Variants in SCRN1 observed in about 807,000 individuals in gnomAD.
The protein encoded by SCRN1 is secernin-1.
SCRN1 carries 19 observed loss-of-function variants against 43.3 expected under a neutral mutation model. That is an observed-to-expected ratio of 0.44 (90% confidence interval 0.31 to 0.64). The LOEUF (loss-of-function observed/expected upper bound fraction) is 0.64. SCRN1 is among the 30% of genes least tolerant of loss of function. The probability of loss-of-function intolerance (pLI) is 0.09; values close to 1 mark genes in which losing one functional copy is unlikely to be tolerated. For missense variants in SCRN1, 447 were observed against 524.1 expected, an observed-to-expected ratio of 0.85 and a Z score of 1.44; for synonymous variants, 183 against 188.9, an observed-to-expected ratio of 0.97 and a Z score of 0.26.
chr7:29,977,702 C>T (rs1261554291), intron 1 of SCRN1, among the ~76,000 whole-genome samples: 1 of 152,180 alleles, frequency 6.6e-6, no homozygotes, highest in Non-Finnish European at 1.5e-5. Flanking sequence ...GGAAGAATAA[C>T]TGTATGGGCT....
At chr7:29,962,614 G>A (rs1788363225) in intron 2 of SCRN1, among the ~76,000 whole-genome samples, 1 of 152,116 alleles carries the variant, frequency 6.6e-6, no homozygotes, top group South Asian at 2.1e-4. Context: ...CTTGAACCCA[G>A]GAGGCAGAGG....
chr7:29,958,170 G>C (rs758046882), intron 2 of SCRN1, among the ~76,000 whole-genome samples: 3 of 152,112 alleles, frequency 2.0e-5, no homozygotes, highest in Non-Finnish European at 2.9e-5. Context: ...TCTTTGTCAC[G>C]GGCCACAGAG....
chr7:29,959,499 G>C (rs749179028), intron 2 of SCRN1, among the ~76,000 whole-genome samples: 7 of 151,976 alleles, frequency 4.6e-5, no homozygotes, highest in Non-Finnish European at 1.0e-4. Flanking sequence ...CCAATACCTG[G>C]GCTCAAGCGA....
In SCRN1 at chr7:29,950,426, C is replaced by G. The variant is rs1787882074; in HGVS notation, c.341+4753G>C. ...CCCCCAAGATGAAAAACCTGGACAT[C>G]ATGGATGGCACGTTGATGGCAGGAG... On this transcript the variant is annotated intron_variant, in intron 3 of 7. Transcript: ENST00000242059. This position sits in a 1 kb window ranked among gnomAD's most constrained non-coding sequence, Gnocchi z 4.5. Among the ~76,000 whole-genome samples, 1 of 152,202 alleles carries G rather than the reference C, an allele frequency of 6.6e-6. No individual in the cohort carries two copies.
chr7:29,941,758 C>T (rs528446289), intron 4 of SCRN1, among the ~76,000 whole-genome samples: 1 of 152,326 alleles, frequency 6.6e-6, no homozygotes, highest in Admixed American at 6.5e-5. Flanking sequence ...ATGTCTTCTT[C>T]GAAGCCTGAG....
At chr7:29,929,465 C>A (rs1261491031) in intron 6 of SCRN1, among the ~76,000 whole-genome samples, 1 of 152,258 alleles carries the variant, frequency 6.6e-6, no homozygotes, top group Non-Finnish European at 1.5e-5. Flanking sequence ...ATCAGGAAAC[C>A]TGCCATTTCA....
chr7:29,977,968 G>A (rs1239258640), intron 1 of SCRN1, among the ~76,000 whole-genome samples: 1 of 152,216 alleles, frequency 6.6e-6, no homozygotes, highest in Non-Finnish European at 1.5e-5. Context: ...AAGCCTATCT[G>A]TTCAGACTTC....
chr7:29,977,770 T>A (rs929234615), intron 1 of SCRN1, among the ~76,000 whole-genome samples: 8 of 152,230 alleles, frequency 5.3e-5, no homozygotes, highest in African/African-American at 1.7e-4. Flanking sequence ...GCCCTGTCAC[T>A]TCTCCAAGCT....
Position 29,926,613 on chromosome 7 carries a change from T to C in SCRN1, c.925A>G (p.Ile309Val), listed in dbSNP as rs151249549. The C allele has an allele frequency of 1.6e-3, 2,628 of 1,613,958 alleles. 8 individuals carry two copies. Among genetic ancestry groups the C allele is most frequent in the Non-Finnish European group, 2.0e-3 (2,335 of 1,179,968 alleles). Reference protein sequence around the residue: ...DPSRSIFKPFIFVDDVKLVPK... With the variant: ...DPSRSIFKPFVFVDDVKLVPK... ...ACAAGTTTTACGTCATCAACAAAGA[T>C]GAAAGGCTTGAATATGGACCTGGAG... The change falls in exon 7 of 8, where the codon ATC becomes GTC. Residue 309 changes from isoleucine (I) to valine (V), a missense_variant. Ile to Val is a conservative substitution (Grantham distance 29). Coordinates refer to ENST00000242059, the MANE Select transcript of SCRN1 (RefSeq NM_014766.5).
At chr7:29,935,847 C>A (rs1279795438) in intron 6 of SCRN1, among the ~76,000 whole-genome samples, 3 of 152,174 alleles carry the variant, frequency 2.0e-5, no homozygotes, top group African/African-American at 7.2e-5. Flanking sequence ...ATCCTCCCAA[C>A]AAGCATGTAA....
chr7:29,926,571 G>A lies in SCRN1; in HGVS notation c.967C>T (p.Pro323Ser). 6.2e-7 allele frequency: 1 copy of A among 1,614,154 alleles called. No homozygotes were observed. Among genetic ancestry groups the A allele is most frequent in the Non-Finnish European group, 8.5e-7 (1 of 1,180,040 alleles). Residue 323 changes from proline to serine, a missense_variant, in exon 7 of 8, where the codon CCC becomes TCC. Pro to Ser is a moderately conservative substitution (Grantham distance 74). Transcript: ENST00000242059. ...DVKLVPKTQS[P>S]CFGDDDPAKK... ...GCAGGGTCGTCATCCCCAAAACAGG[G>A]AGACTGTGTTTTGGGGACAAGTTTT...
At chr7:29,924,319 T>C (rs921907213) in intron 7 of SCRN1, among the ~76,000 whole-genome samples, 3 of 152,176 alleles carry the variant, frequency 2.0e-5, no homozygotes, top group African/African-American at 7.2e-5. Context: ...CCTGCACAGC[T>C]TTCTGCTGCC....
intron 1 of SCRN1, among the ~76,000 whole-genome samples, chr7:29,986,891 A>AT (rs1473890467): frequency 2.4e-4 from 36 of 151,072 alleles, no homozygotes; most frequent in Admixed American, 1.3e-3. Context: ...TGCCCGGCTA[A>AT]TTTTTTGTAT....
chr7:29,964,288 GATAA>G (rs1345208834), intron 2 of SCRN1, among the ~76,000 whole-genome samples: 1 of 152,132 alleles, frequency 6.6e-6, no homozygotes, highest in Non-Finnish European at 1.5e-5. Flanking sequence ...TGGGTGAATG[GATAA>G]ATAACCTGGT....
chr7:29,922,747 CT>C lies in SCRN1; in HGVS notation c.*1209del, dbSNP rs1254113547. Reference sequence around the variant, plus strand: ...ATTTGGGTTTGTGGGATGTAATGGCCTTGGCAGGAATGGTGGGGCCTGAACT... The same window carrying C: ...ATTTGGGTTTGTGGGATGTAATGGCCTGGCAGGAATGGTGGGGCCTGAACT... On this transcript the variant is annotated 3_prime_UTR_variant, in exon 8 of 8. Transcript: ENST00000242059. 1 of 152,300 alleles carries C rather than the reference CT, an allele frequency of 6.6e-6. No homozygotes were observed. Among genetic ancestry groups the C allele is most frequent in the Non-Finnish European group, 1.5e-5 (1 of 68,132 alleles). 9.4% of individuals were successfully genotyped at this position (152,300 alleles called of 1,614,324 possible).
At chr7:29,963,043 T>C (rs1788378544) in intron 2 of SCRN1, among the ~76,000 whole-genome samples, 1 of 150,618 alleles carries the variant, frequency 6.6e-6, no homozygotes, top group Admixed American at 6.6e-5. Flanking sequence ...AGTCAATTCT[T>C]TAAAAAAAAA....
intron 2 of SCRN1, among the ~76,000 whole-genome samples, chr7:29,964,670 C>T (rs1281045735): frequency 1.3e-5 from 2 of 152,028 alleles, no homozygotes; most frequent in Non-Finnish European, 2.9e-5. Context: ...AGGCCGGGCT[C>T]GGTGGCTCAC....
At chr7:29,949,379 T>C (rs1787842928) in intron 3 of SCRN1, among the ~76,000 whole-genome samples, 1 of 143,932 alleles carries the variant, frequency 6.9e-6, no homozygotes, top group African/African-American at 2.6e-5. Context: ...TTTCCTTCAC[T>C]CTTTTTTTTT....
intron 1 of SCRN1, among the ~76,000 whole-genome samples, chr7:29,976,237 C>T (rs762658229): frequency 6.6e-5 from 10 of 152,120 alleles, no homozygotes; most frequent in Non-Finnish European, 1.0e-4. Context: ...AGCCACCAGC[C>T]GGATGGGCTA....
Sources: allele counts gnomAD v4.1 joint callset (sites outside exome capture counted in the v4.1 genomes callset), GRCh38; gene constraint gnomAD v4.1.1; non-coding constraint Gnocchi (gnomAD v3.1); transcripts MANE v1.5; gene names NCBI Gene and HGNC (gene_info 2026-07-23, HGNC 2026-07-21).